GRAMD1B: variants seen among roughly 807,000 people sequenced by gnomAD.
The protein encoded by GRAMD1B is protein Aster-B.
In GRAMD1B, 37 loss-of-function variants were observed where a neutral mutation model predicts 99.7. The observed-to-expected ratio is 0.37, with a 90% CI of 0.29 to 0.49. GRAMD1B has a LOEUF of 0.49. Among genes scored for constraint, GRAMD1B ranks in the 20% least tolerant of loss-of-function variants. GRAMD1B has a pLI of 0.98. For missense variants in GRAMD1B, 888 were observed against 1,009.2 expected (o/e 0.88, Z 1.63); for synonymous variants, 427 against 387.6 (o/e 1.10, Z -1.19).
At chr11:123,559,705 C>T in intron 2 of GRAMD1B, 1 of 984,540 alleles carries the variant, frequency 1.0e-6, no homozygotes. Context: ...AGTGCTTTCC[C>T]TGAGTGTTAC....
intron 7 of GRAMD1B, chr11:123,598,546 T>G: frequency 1.3e-6 from 2 of 1,547,916 alleles, no homozygotes; most frequent in South Asian, 2.2e-5. Context: ...TTGGGATTTT[T>G]GGCAAACAAA....
intron 2 of GRAMD1B, 97 bp from the exon 3 acceptor site, chr11:123,577,270 G>T (rs1203591819): frequency 3.0e-6 from 3 of 1,007,482 alleles, no homozygotes; most frequent in East Asian, 5.2e-5. Flanking sequence ...CCCTGAGCTG[G>T]CTCCTTTGGG....
intron 2 of GRAMD1B, among the ~76,000 whole-genome samples, chr11:123,502,333 C>G (rs1292719303): frequency 6.6e-6 from 1 of 152,162 alleles, no homozygotes; most frequent in Non-Finnish European, 1.5e-5. Context: ...ATGATGCAAA[C>G]GTGCATGTCC....
At chr11:123,538,629 A>T (rs530280558) in intron 2 of GRAMD1B, among the ~76,000 whole-genome samples, 67 of 149,668 alleles carry the variant, frequency 4.5e-4, no homozygotes, top group East Asian at 9.9e-4. Context: ...ATTTTATTTT[A>T]TTTTTTTTTG....
intron 1 of GRAMD1B, among the ~76,000 whole-genome samples, chr11:123,393,807 C>T (rs1172147149): frequency 1.3e-5 from 2 of 152,156 alleles, no homozygotes; most frequent in Non-Finnish European, 2.9e-5. Context: ...GGCTTGAACA[C>T]CAGAAGGTGG....
chr11:123,468,508 T>C (rs758091766), intron 1 of GRAMD1B, among the ~76,000 whole-genome samples: 18 of 152,050 alleles, frequency 1.2e-4, no homozygotes, highest in Non-Finnish European at 2.6e-4. Flanking sequence ...TAAAGGTTAG[T>C]GCAGGCCAGG....
intron 1 of GRAMD1B, among the ~76,000 whole-genome samples, chr11:123,463,167 A>G (rs1340891418): frequency 1.3e-5 from 2 of 151,992 alleles, no homozygotes; most frequent in Non-Finnish European, 2.9e-5. Flanking sequence ...GGCCACCACC[A>G]CGCCTGACTA....
At chr11:123,508,008 CAGTTT>C (rs990729035) in intron 2 of GRAMD1B, among the ~76,000 whole-genome samples, 6 of 152,194 alleles carry the variant, frequency 3.9e-5, no homozygotes, top group African/African-American at 1.4e-4. Context: ...CTCTGAATCT[CAGTTT>C]AGTTATCTTT....
chr11:123,573,049 C>T (rs1354417944), intron 2 of GRAMD1B, among the ~76,000 whole-genome samples: 3 of 149,094 alleles, frequency 2.0e-5, no homozygotes, highest in African/African-American at 2.5e-5. Flanking sequence ...GGGGCAGAGG[C>T]GCAGGTAGGC....
rs2137190976 is a variant in GRAMD1B, at chr11:123,624,359, A to G, written c.*1764A>G. The G allele has an allele frequency of 6.6e-6, 1 of 152,344 alleles. No homozygotes were observed. The highest frequency in any genetic ancestry group is 2.1e-4 in the South Asian group (1 of 4,826). The allele number at this position is 152,344 out of a possible 1,614,324, so 9.4% of individuals were successfully genotyped here. A position where few individuals can be genotyped will look rare whatever the true frequency, so the allele number is the denominator to read the frequency against. On this transcript the variant is annotated 3_prime_UTR_variant, in exon 20 of 20. Transcript: ENST00000635736. The stretch of plus-strand genomic sequence containing the variant: ...GTTTTTGACTTTTCCATGTGAGAAT[A>G]AGGCCTTGGTATTTCCCTAAGGGCA...
At chr11:123,486,316 C>T (rs752893932) in intron 2 of GRAMD1B, among the ~76,000 whole-genome samples, 4 of 151,930 alleles carry the variant, frequency 2.6e-5, no homozygotes, top group African/African-American at 4.8e-5. Context: ...GGGAGGCCGA[C>T]GTGGGTGGAT....
chr11:123,366,024 C>G (rs1442372095), intron 1 of GRAMD1B, among the ~76,000 whole-genome samples: 1 of 152,194 alleles, frequency 6.6e-6, no homozygotes, highest in African/African-American at 2.4e-5. Context: ...AGGCAAATCT[C>G]TTAGGATTTA....
chr11:123,476,348 G>T (rs1039235635), intron 1 of GRAMD1B, among the ~76,000 whole-genome samples: 1 of 152,102 alleles, frequency 6.6e-6, no homozygotes, highest in African/African-American at 2.4e-5. Context: ...TGATCTACCC[G>T]CCTCGGCTTC....
At chr11:123,445,547 G>A (rs990754108) in intron 1 of GRAMD1B, among the ~76,000 whole-genome samples, 6 of 152,040 alleles carry the variant, frequency 3.9e-5, no homozygotes, top group Non-Finnish European at 8.8e-5. Flanking sequence ...CTGGCGCAGT[G>A]GCTTACCCTT....
At chr11:123,494,237 G>A (rs777726512) in intron 2 of GRAMD1B, among the ~76,000 whole-genome samples, 3 of 152,068 alleles carry the variant, frequency 2.0e-5, no homozygotes, top group Non-Finnish European at 2.9e-5. Flanking sequence ...ATGGAATTTC[G>A]TGACTGTAGC....
At chr11:123,596,154 C>T (rs1951245949) in intron 7 of GRAMD1B, 117 bp downstream of exon 7, 1 of 611,356 alleles carries the variant, frequency 1.6e-6, no homozygotes, top group African/African-American at 1.9e-5. Flanking sequence ...ATGAGAGGCG[C>T]TAAGGGCGAT....
chr11:123,453,859 GAAGTCCC>G (rs1565511265), intron 1 of GRAMD1B, among the ~76,000 whole-genome samples: 1 of 152,208 alleles, frequency 6.6e-6, no homozygotes, highest in African/African-American at 2.4e-5. Flanking sequence ...TGGAGCATCT[GAAGTCCC>G]AGGTCGCTAC....
At chr11:123,522,754 T>G (rs1427443821) in intron 2 of GRAMD1B, among the ~76,000 whole-genome samples, 1 of 152,212 alleles carries the variant, frequency 6.6e-6, no homozygotes, top group Non-Finnish European at 1.5e-5. Flanking sequence ...TCTCCTGTTC[T>G]TCCTTCCCTT....
At chr11:123,403,190 C>T (rs1331064624) in intron 1 of GRAMD1B, among the ~76,000 whole-genome samples, 3 of 151,876 alleles carry the variant, frequency 2.0e-5, no homozygotes, top group African/African-American at 7.3e-5. Context: ...TTTGGGAGGC[C>T]GAGGCTGGTG....
Sources: allele counts gnomAD v4.1 joint callset (sites outside exome capture counted in the v4.1 genomes callset), GRCh38; gene constraint gnomAD v4.1.1; transcripts MANE v1.5; gene names NCBI Gene and HGNC (gene_info 2026-07-23, HGNC 2026-07-21).